The following RPS6KA6 variants were observed in gnomAD, a reference collection of about 807,000 sequenced individuals.
RPS6KA6 encodes ribosomal protein S6 kinase A6.
In RPS6KA6, 27 loss-of-function variants were observed where a neutral mutation model predicts 65.4. The ratio of observed to expected loss-of-function variants is 0.41; its 90% CI spans 0.30 to 0.57. The LOEUF is 0.57. RPS6KA6 is among the 20% of genes least tolerant of loss of function. RPS6KA6 has a pLI of 0.24. For missense variants in RPS6KA6, 486 were observed against 555.6 expected, an observed-to-expected ratio of 0.87 and a Z score of 1.26; for synonymous variants, 190 against 184.2, an observed-to-expected ratio of 1.03 and a Z score of -0.26.
intron 12 of RPS6KA6, among the ~76,000 whole-genome samples, chrX:84,112,847 CA>C (rs1369248672): frequency 1.8e-5 from 2 of 110,346 alleles, no homozygotes; most frequent in African/African-American, 6.6e-5. Context: ...AGATTGCGAC[CA>C]AAAAAAGGAT....
chrX:84,152,351 C>T (rs748783280), intron 3 of RPS6KA6, among the ~76,000 whole-genome samples: 1 of 110,532 alleles, frequency 9.0e-6, no homozygotes, highest in Non-Finnish European at 1.9e-5. Flanking sequence ...CTTCCCAAGG[C>T]TATGTTTATT....
intron 17 of RPS6KA6, among the ~76,000 whole-genome samples, chrX:84,103,110 T>C (rs1007469392): frequency 4.5e-5 from 5 of 111,234 alleles, no homozygotes; most frequent in African/African-American, 1.6e-4. Flanking sequence ...TGAAATTCTC[T>C]ATAACTGATT....
intron 20 of RPS6KA6, among the ~76,000 whole-genome samples, chrX:84,077,203 A>T (rs763655822): frequency 2.5e-4 from 28 of 111,541 alleles, no homozygotes; most frequent in African/African-American, 9.1e-4. Flanking sequence ...TCTCATTCAA[A>T]ATCCTAGCAG....
intron 20 of RPS6KA6, among the ~76,000 whole-genome samples, chrX:84,077,801 G>C (rs1222581327): frequency 9.0e-6 from 1 of 111,677 alleles, no homozygotes; most frequent in African/African-American, 3.3e-5. Context: ...TTGCCAAAGA[G>C]TATTTTACTG....
chrX:84,163,281 T>G (rs1269439990), intron 2 of RPS6KA6, among the ~76,000 whole-genome samples: 2 of 112,177 alleles, frequency 1.8e-5, no homozygotes, highest in Non-Finnish European at 3.8e-5. Context: ...CTCTCCAAGT[T>G]TCAGTAGACT....
At chrX:84,075,948 A>G (rs916808644) in intron 20 of RPS6KA6, among the ~76,000 whole-genome samples, 1 of 112,147 alleles carries the variant, frequency 8.9e-6, no homozygotes, top group African/African-American at 3.2e-5. Flanking sequence ...AGAGAAATAC[A>G]CAAATCCATG....
At chrX:84,111,320 A>C (rs1010788932) in intron 12 of RPS6KA6, among the ~76,000 whole-genome samples, 1 of 111,514 alleles carries the variant, frequency 9.0e-6, no homozygotes, top group African/African-American at 3.3e-5. Flanking sequence ...GTAGATATCC[A>C]GATATAAGCA....
At chrX:84,127,755 G>A (rs2034822719) in intron 8 of RPS6KA6, among the ~76,000 whole-genome samples, 1 of 108,677 alleles carries the variant, frequency 9.2e-6, no homozygotes, top group Admixed American at 9.8e-5. Flanking sequence ...AGCACCCAAT[G>A]AAACTCAACA....
intron 1 of RPS6KA6, among the ~76,000 whole-genome samples, chrX:84,172,948 C>T (rs776454749): frequency 9.1e-6 from 1 of 110,470 alleles, no homozygotes; most frequent in African/African-American, 3.3e-5. Flanking sequence ...AAGGTGGTTG[C>T]TGGGGCTGGC....
intron 1 of RPS6KA6, among the ~76,000 whole-genome samples, chrX:84,174,978 A>G (rs762481974): frequency 1.2e-4 from 14 of 112,290 alleles, no homozygotes. Context: ...GATTTTTATT[A>G]GTTTTCTTAC....
intron 18 of RPS6KA6, among the ~76,000 whole-genome samples, chrX:84,099,504 T>G (rs1391114409): frequency 9.0e-6 from 1 of 111,044 alleles, no homozygotes; most frequent in Non-Finnish European, 1.9e-5. Context: ...TACACAGAGC[T>G]CCTCATTCCT....
chrX:84,148,758 G>A (rs926116228), intron 3 of RPS6KA6, among the ~76,000 whole-genome samples: 3 of 111,496 alleles, frequency 2.7e-5, no homozygotes, highest in Non-Finnish European at 3.8e-5. Flanking sequence ...TGAGTCTTCA[G>A]TGAGATATAA....
At position 84,130,803 on chromosome X, in the gene RPS6KA6, T is replaced by C. The variant is rs760555334; in HGVS notation, c.646+3979A>G. ...TCATAATTACATTATGGAAAAAGCA[T>C]ATATACAGGAACAGAAAGCAGACTG... On this transcript the variant is annotated intron_variant, in intron 8 of 21. Coordinates refer to ENST00000262752, the MANE Select transcript of RPS6KA6 (RefSeq NM_014496.5). Among the ~76,000 whole-genome samples, 3 of 111,291 alleles carry C rather than the reference T, an allele frequency of 2.7e-5. No individual in the cohort carries two copies. In the South Asian group the frequency reaches 1.1e-3, roughly 42 times the overall value.
At chrX:84,116,385 C>A in intron 11 of RPS6KA6, 98 bp from the exon 12 acceptor site, 1 of 386,413 alleles carries the variant, frequency 2.6e-6, no homozygotes, top group Non-Finnish European at 4.4e-6. Context: ...ACACATATTT[C>A]ATACATTCCT....
chrX:84,164,839 T>C (rs1221820284), intron 1 of RPS6KA6, among the ~76,000 whole-genome samples: 1 of 111,444 alleles, frequency 9.0e-6, no homozygotes, highest in Non-Finnish European at 1.9e-5. Flanking sequence ...TGACATACTA[T>C]ACAGAAGAAA....
At chrX:84,108,779 C>G (rs1239863890) in intron 12 of RPS6KA6, among the ~76,000 whole-genome samples, 1 of 111,831 alleles carries the variant, frequency 8.9e-6, no homozygotes. Flanking sequence ...GCTGCCACCT[C>G]ACTAGGCAGG....
At chrX:84,091,319 A>G (rs889872621) in intron 20 of RPS6KA6, among the ~76,000 whole-genome samples, 2 of 112,803 alleles carry the variant, frequency 1.8e-5, no homozygotes, top group Non-Finnish European at 3.7e-5. Context: ...TGCAAGATAT[A>G]CCAGAAGAAA....
Position 84,062,916 on chromosome X carries a change from C to CAGTAGTAGTAGTAGTAGTAGTAGTAGT in RPS6KA6, c.*1334_*1360dup, listed in dbSNP as rs754107497. On this transcript the variant is annotated 3_prime_UTR_variant, in exon 22 of 22. Transcript: ENST00000262752. ...GTTTACATTCATGAATTCTTTCTGT[C>CAGTAGTAGTAGTAGTAGTAGTAGTAGT]AGTAGTAGTAGTAGTAGTAGTAGTA... The CAGTAGTAGTAGTAGTAGTAGTAGTAGT allele has an allele frequency of 9.6e-6, 1 of 104,585 alleles. No individual in the cohort carries two copies. The highest frequency in any genetic ancestry group is 2.0e-5 in the Non-Finnish European group (1 of 50,687). 8.6% of individuals were successfully genotyped at this position (104,585 alleles called of 1,213,427 possible). A position where few individuals can be genotyped will look rare whatever the true frequency, so the allele number is the denominator to read the frequency against.
In RPS6KA6 at chrX:84,091,290, T is replaced by C. The variant is rs183666469; in HGVS notation, c.1971+4904A>G. On this transcript the variant is annotated intron_variant, in intron 20 of 21. Transcript: ENST00000262752. Reference sequence around the variant, plus strand: ...TGTGTATAAAATGTATCAAAAACACTTGCTGTGTAAATTAACAATGCAAGA... The same window carrying C: ...TGTGTATAAAATGTATCAAAAACACCTGCTGTGTAAATTAACAATGCAAGA... Among the ~76,000 whole-genome samples, 20 of 112,733 alleles carry C rather than the reference T, an allele frequency of 1.8e-4. 1 individual carries two copies. In the East Asian group the frequency reaches 5.6e-3, roughly 31 times the overall value.
Sources: allele counts gnomAD v4.1 joint callset (sites outside exome capture counted in the v4.1 genomes callset), GRCh38; gene constraint gnomAD v4.1.1; transcripts MANE v1.5; gene names NCBI Gene and HGNC (gene_info 2026-07-23, HGNC 2026-07-21).